Variants in PLPP4 observed in about 807,000 individuals in gnomAD.
PLPP4 encodes the protein diacylglycerol pyrophosphate like 2.
PLPP4 carries 20 observed loss-of-function variants against 32.2 expected under a neutral mutation model. The ratio of observed to expected loss-of-function variants is 0.62; its 90% confidence interval spans 0.44 to 0.90. The LOEUF is 0.90. Among genes scored for constraint, PLPP4 ranks in the 40% least tolerant of loss-of-function variants. The pLI, the probability that PLPP4 is intolerant of heterozygous loss-of-function variation, is 0.00. For synonymous variants in PLPP4, 127 were observed against 133.0 expected (o/e 0.95, Z 0.31); for missense variants, 257 against 353.1 (o/e 0.73, Z 2.18).
At chr10:120,531,873 TACACAC>T (rs145252286) in intron 5 of PLPP4, among the ~76,000 whole-genome samples, 4 of 148,150 alleles carry the variant, frequency 2.7e-5, no homozygotes, top group African/African-American at 5.0e-5. Flanking sequence ...CTACACACAC[TACACAC>T]ACACACACAC....
chr10:120,586,221 A>C (rs1589939358), intron 6 of PLPP4, among the ~76,000 whole-genome samples: 1 of 142,986 alleles, frequency 7.0e-6, no homozygotes, highest in South Asian at 2.2e-4. Context: ...TGCAACCTCC[A>C]CCTCCCGGGT....
chr10:120,579,702 T>C (rs1005855875), intron 6 of PLPP4, among the ~76,000 whole-genome samples: 1 of 152,046 alleles, frequency 6.6e-6, no homozygotes, highest in Non-Finnish European at 1.5e-5. Flanking sequence ...TTGTTACTGA[T>C]AAACCCAGTA....
At chr10:120,552,623 G>A (rs776604116) in intron 5 of PLPP4, among the ~76,000 whole-genome samples, 2 of 152,154 alleles carry the variant, frequency 1.3e-5, no homozygotes, top group African/African-American at 2.4e-5. Flanking sequence ...CTGGCTGGTG[G>A]GTGAGAAGCA....
chr10:120,547,504 A>G (rs1260295787), intron 5 of PLPP4, among the ~76,000 whole-genome samples: 1 of 152,218 alleles, frequency 6.6e-6, no homozygotes, highest in Non-Finnish European at 1.5e-5. Flanking sequence ...ATAAGTCAAG[A>G]AAGAGCTACA....
At chr10:120,501,868 G>T (rs1474351705) in intron 1 of PLPP4, among the ~76,000 whole-genome samples, 4 of 152,214 alleles carry the variant, frequency 2.6e-5, no homozygotes, top group Non-Finnish European at 2.9e-5. Flanking sequence ...CTCTGATTTA[G>T]TTCAGCCTCC....
chr10:120,581,158 G>C (rs1167434302), intron 6 of PLPP4: 4 of 985,414 alleles, frequency 4.1e-6, no homozygotes, highest in South Asian at 9.4e-5. Context: ...GATAGCCCTG[G>C]TGTTTCCCCG....
In PLPP4 at chr10:120,542,817, A is replaced by G. The variant is rs543309774; in HGVS notation, c.445+21722A>G. The stretch of plus-strand genomic sequence containing the variant: ...ATGCTTCATTGTGGGCATTTGGATC[A>G]GTTAGACCCCTGATTGTGGGGCAAA... On this transcript the variant is annotated intron_variant, in intron 5 of 6. Coordinates refer to ENST00000398250, the MANE Select transcript of PLPP4 (RefSeq NM_001030059.3). Among the ~76,000 whole-genome samples, 16 of 152,330 alleles carry G rather than the reference A, an allele frequency of 1.1e-4. No individual in the cohort carries two copies. The East Asian group carries it at 3.1e-3, about 29-fold the overall frequency.
At chr10:120,478,451 T>G (rs1844034942) in intron 1 of PLPP4, among the ~76,000 whole-genome samples, 1 of 152,226 alleles carries the variant, frequency 6.6e-6, no homozygotes, top group Admixed American at 6.5e-5. Context: ...TTCTTTTTCT[T>G]TTAAGTCAAC....
intron 1 of PLPP4, among the ~76,000 whole-genome samples, chr10:120,499,653 C>T (rs1003961145): frequency 1.3e-5 from 2 of 152,110 alleles, no homozygotes; most frequent in Non-Finnish European, 2.9e-5. Context: ...GCGTGGGCCC[C>T]CCAGGAAGCT....
At chr10:120,585,960 C>T (rs979284618) in intron 6 of PLPP4, among the ~76,000 whole-genome samples, 3 of 152,186 alleles carry the variant, frequency 2.0e-5, no homozygotes, top group Admixed American at 2.0e-4. Flanking sequence ...AGCTACTGCT[C>T]AGTCACACTG....
At chr10:120,532,820 T>C (rs1343395194) in intron 5 of PLPP4, among the ~76,000 whole-genome samples, 1 of 152,224 alleles carries the variant, frequency 6.6e-6, no homozygotes, top group African/African-American at 2.4e-5. Context: ...TTTTTATTGC[T>C]CAGTAATCTT....
intron 1 of PLPP4, chr10:120,503,504 A>G: frequency 4.5e-6 from 7 of 1,566,230 alleles, no homozygotes; most frequent in South Asian, 1.2e-5. Context: ...GCCTTGCCCT[A>G]TTCTGACTTC....
chr10:120,589,173 A>T, intron 6 of PLPP4, 130 bp from the exon 7 acceptor site: 1 of 796,782 alleles, frequency 1.3e-6, no homozygotes, highest in Non-Finnish European at 2.1e-6. Flanking sequence ...TCTTTCCTTT[A>T]GTCTTTCAGG....
intron 1 of PLPP4, among the ~76,000 whole-genome samples, chr10:120,467,744 CTTTTA>C (rs201434079): frequency 0.01 from 675 of 64,974 alleles, 201 homozygotes; most frequent in African/African-American, 0.021. Flanking sequence ...TTTATGTTAA[CTTTTA>C]TTTTAAGTTC....
chr10:120,559,910 G>A (rs1175477135), intron 5 of PLPP4, among the ~76,000 whole-genome samples: 1 of 152,162 alleles, frequency 6.6e-6, no homozygotes, highest in South Asian at 2.1e-4. Flanking sequence ...TTAAATCACA[G>A]CTGCGTAAGA....
chr10:120,480,560 C>T (rs1844152458), intron 1 of PLPP4, among the ~76,000 whole-genome samples: 1 of 152,210 alleles, frequency 6.6e-6, no homozygotes, highest in South Asian at 2.1e-4. Flanking sequence ...TAAATCCTAA[C>T]AGGATTACAC....
Position 120,589,749 on chromosome 10 carries a change from T to G in PLPP4, c.*247T>G. The G allele has an allele frequency of 2.1e-6, 1 of 477,120 alleles. No individual in the cohort carries two copies. The allele number at this position is 477,120 out of a possible 1,614,324, so 29.6% of individuals were successfully genotyped here. On this transcript the variant is annotated 3_prime_UTR_variant, in exon 7 of 7. Transcript: ENST00000398250. ...TGGAAGAGGCTGTGAAGGTGGGGTT[T>G]GGGGAGCTTGGCCGATTCGTCTATC...
At chr10:120,490,953 CCT>C (rs1844692563) in intron 1 of PLPP4, among the ~76,000 whole-genome samples, 1 of 152,202 alleles carries the variant, frequency 6.6e-6, no homozygotes, top group African/African-American at 2.4e-5. Flanking sequence ...TGTGTTTTCC[CCT>C]GAGTGATGAG....
At chr10:120,461,516 G>C (rs371831762) in intron 1 of PLPP4, among the ~76,000 whole-genome samples, 1 of 152,070 alleles carries the variant, frequency 6.6e-6, no homozygotes, top group African/African-American at 2.4e-5. Flanking sequence ...GTGGCTCTCT[G>C]TCTGCAGGGT....
Sources: allele counts gnomAD v4.1 joint callset (sites outside exome capture counted in the v4.1 genomes callset), GRCh38; gene constraint gnomAD v4.1.1; transcripts MANE v1.5; gene names NCBI Gene and HGNC (gene_info 2026-07-23, HGNC 2026-07-21).